Variants in GNAQ observed in about 807,000 individuals in gnomAD.
GNAQ encodes the protein G protein subunit alpha q, also known as guanine nucleotide-binding protein G(q) subunit alpha.
A neutral mutation model predicts 43.9 loss-of-function variants in GNAQ; 8 were observed. The ratio of observed to expected loss-of-function variants is 0.18; its 90% CI spans 0.11 to 0.33. GNAQ has a LOEUF of 0.33. Among genes scored for constraint, GNAQ ranks in the 10% least tolerant of loss-of-function variants. The pLI, the probability that GNAQ is intolerant of heterozygous loss-of-function variation, is 1.00. For missense variants in GNAQ, 158 were observed against 450.8 expected, an observed-to-expected ratio of 0.35 and a Z score of 5.88; for synonymous variants, 155 against 170.7, an observed-to-expected ratio of 0.91 and a Z score of 0.71.
At chr9:77,925,443 A>T (rs557653410) in intron 1 of GNAQ, among the ~76,000 whole-genome samples, 52 of 152,278 alleles carry the variant, frequency 3.4e-4, no homozygotes, top group Admixed American at 8.5e-4. Context: ...ATTCACTTCT[A>T]TTGCCCACAA....
chr9:77,776,296 A>C (rs1346811793), intron 5 of GNAQ, among the ~76,000 whole-genome samples: 3 of 152,250 alleles, frequency 2.0e-5, no homozygotes, highest in Admixed American at 6.5e-5. Context: ...AGAGATAGGC[A>C]AAATGAATTA....
At chr9:77,803,877 C>T (rs1240119033) in intron 3 of GNAQ, among the ~76,000 whole-genome samples, 1 of 152,178 alleles carries the variant, frequency 6.6e-6, no homozygotes, top group African/African-American at 2.4e-5. Context: ...CATTAGTTTA[C>T]ACCTTGTAAC....
At chr9:77,728,416 G>A in intron 6 of GNAQ, 98 bp downstream of exon 6, 2 of 817,710 alleles carry the variant, frequency 2.4e-6, no homozygotes, top group Non-Finnish European at 2.1e-6. Flanking sequence ...ACAGGGCAAG[G>A]GCAGCAATGG....
chr9:77,786,779 A>G (rs1158479119), intron 5 of GNAQ, among the ~76,000 whole-genome samples: 1 of 152,224 alleles, frequency 6.6e-6, no homozygotes, highest in Non-Finnish European at 1.5e-5. Context: ...GGTTTTATCT[A>G]TTAAATCTGA....
intron 1 of GNAQ, among the ~76,000 whole-genome samples, chr9:77,969,897 TCTTCATGAGCAA>T (rs1823214940): frequency 6.6e-6 from 1 of 152,100 alleles, no homozygotes; most frequent in Non-Finnish European, 1.5e-5. Context: ...ACCACCAAAT[TCTTCATGAGCAA>T]CTTCATGAGC....
At chr9:77,788,997 T>A (rs1288135344) in intron 5 of GNAQ, among the ~76,000 whole-genome samples, 1 of 152,212 alleles carries the variant, frequency 6.6e-6, no homozygotes, top group Non-Finnish European at 1.5e-5. Flanking sequence ...ATTTCTTTTT[T>A]ATGTTAAGGA....
chr9:77,982,269 T>C (rs577744000), intron 1 of GNAQ, among the ~76,000 whole-genome samples: 54 of 152,308 alleles, frequency 3.5e-4, no homozygotes, highest in Admixed American at 1.4e-3. Context: ...TAGGGAGGTG[T>C]GGGCTCAAAT....
intron 2 of GNAQ, among the ~76,000 whole-genome samples, chr9:77,869,716 T>C (rs1355337353): frequency 1.3e-5 from 2 of 152,290 alleles, no homozygotes; most frequent in South Asian, 2.1e-4. Flanking sequence ...AATTTTATGA[T>C]CTGCTACCCT....
At chr9:77,925,152 A>G (rs1829052285) in intron 1 of GNAQ, among the ~76,000 whole-genome samples, 1 of 151,876 alleles carries the variant, frequency 6.6e-6, no homozygotes, top group East Asian at 1.9e-4. Context: ...AGCTCTTACA[A>G]GTTACTTACA....
intron 2 of GNAQ, among the ~76,000 whole-genome samples, chr9:77,838,036 G>A (rs530516200): frequency 3.0e-4 from 44 of 147,456 alleles, no homozygotes; most frequent in Non-Finnish European, 4.8e-4. Context: ...TTTTAGTAGA[G>A]ACAGGGTTTC....
intron 2 of GNAQ, among the ~76,000 whole-genome samples, chr9:77,864,223 A>G (rs1827911945): frequency 6.6e-6 from 1 of 151,176 alleles, no homozygotes; most frequent in African/African-American, 2.4e-5. Flanking sequence ...CAGAGCGCGA[A>G]TGCACTCATT....
intron 5 of GNAQ, among the ~76,000 whole-genome samples, chr9:77,789,961 G>GA (rs1488926420): frequency 4.6e-5 from 7 of 150,816 alleles, no homozygotes; most frequent in Non-Finnish European, 1.0e-4. Flanking sequence ...AATGAGGGAA[G>GA]AAAAAAAAGC....
chr9:77,926,928 G>C (rs1013398368), intron 1 of GNAQ, among the ~76,000 whole-genome samples: 1 of 152,158 alleles, frequency 6.6e-6, no homozygotes, highest in East Asian at 1.9e-4. Flanking sequence ...TTCCCTATTC[G>C]CTAGATCAGG....
chr9:77,890,953 ACT>A (rs1420941651), intron 2 of GNAQ, among the ~76,000 whole-genome samples: 2 of 152,110 alleles, frequency 1.3e-5, no homozygotes, highest in African/African-American at 4.8e-5. Flanking sequence ...AGCTAGTGAG[ACT>A]CTGTCTCCCT....
chr9:77,980,331 AG>A, intron 1 of GNAQ, among the ~76,000 whole-genome samples: 1 of 152,330 alleles, frequency 6.6e-6, no homozygotes, highest in East Asian at 1.9e-4. Flanking sequence ...AATTAGCCAC[AG>A]TAAGTGAGGA....
intron 1 of GNAQ, among the ~76,000 whole-genome samples, chr9:78,027,888 TAAG>T (rs1824002037): frequency 1.3e-5 from 2 of 151,702 alleles, no homozygotes; most frequent in South Asian, 4.2e-4. Context: ...ACGTGTAAAA[TAAG>T]AACAGGTTAA....
At chr9:77,762,424 T>C (rs1826055100) in intron 5 of GNAQ, among the ~76,000 whole-genome samples, 3 of 105,992 alleles carry the variant, frequency 2.8e-5, no homozygotes, top group African/African-American at 1.2e-4. Context: ...GGGAGGGAGG[T>C]GGGGGGGTCA....
At chr9:77,972,700 T>A (rs1464049308) in intron 1 of GNAQ, among the ~76,000 whole-genome samples, 2 of 152,112 alleles carry the variant, frequency 1.3e-5, no homozygotes, top group African/African-American at 4.8e-5. Flanking sequence ...ACACCTGTAA[T>A]CACAGCACTT....
Position 77,976,780 on chromosome 9 carries a change from A to G in GNAQ, c.136+54320T>C, listed in dbSNP as rs59186147. Among the ~76,000 whole-genome samples, 754 of 152,350 alleles carry G rather than the reference A, an allele frequency of 4.9e-3. 6 individuals are homozygous for G. The highest frequency in any genetic ancestry group is 0.017 in the African/African-American group (697 of 41,574). On this transcript the variant is annotated intron_variant, in intron 1 of 6. Transcript: ENST00000286548. ...CCAAGAGATTTCACATAAAAAGCAG[A>G]TATTTTATTTACCTGGAAAAACTGG...
Sources: allele counts gnomAD v4.1 joint callset (sites outside exome capture counted in the v4.1 genomes callset), GRCh38; gene constraint gnomAD v4.1.1; transcripts MANE v1.5; gene names NCBI Gene and HGNC (gene_info 2026-07-23, HGNC 2026-07-21).